MAGI2: variants seen among roughly 807,000 people sequenced by gnomAD.
MAGI2 encodes membrane associated guanylate kinase, WW and PDZ domain containing 2, also known as membrane-associated guanylate kinase, WW and PDZ domain-containing protein 2.
MAGI2 carries 35 observed loss-of-function variants against 133.3 expected under a neutral mutation model. The ratio of observed to expected loss-of-function variants is 0.26; its 90% CI spans 0.20 to 0.35. The LOEUF is 0.35. Ranked by LOEUF, MAGI2 falls within the 10% of genes least tolerant of loss-of-function variation. The pLI is 1.00. For synonymous variants in MAGI2, 729 were observed against 710.6 expected, an observed-to-expected ratio of 1.03 and a Z score of -0.41; for missense variants, 1,636 against 1,863.4, an observed-to-expected ratio of 0.88 and a Z score of 2.25.
At chr7:79,446,293 G>A (rs961124486) in intron 1 of MAGI2, among the ~76,000 whole-genome samples, 7 of 152,008 alleles carry the variant, frequency 4.6e-5, no homozygotes, top group Non-Finnish European at 7.4e-5. Context: ...TTGAGCACGT[G>A]TACCCCGAAA....
chr7:78,245,742 A>G (rs1406100448), intron 10 of MAGI2, among the ~76,000 whole-genome samples: 1 of 151,878 alleles, frequency 6.6e-6, no homozygotes, highest in East Asian at 1.9e-4. Flanking sequence ...AGTCCTCACC[A>G]CTGGGGACTC....
intron 2 of MAGI2, among the ~76,000 whole-genome samples, chr7:78,832,582 T>G (rs1209012223): frequency 6.6e-6 from 1 of 152,344 alleles, no homozygotes; most frequent in African/African-American, 2.4e-5. Context: ...GAATGCCAGT[T>G]ATAAGCTTCG....
intron 2 of MAGI2, among the ~76,000 whole-genome samples, chr7:78,631,818 TATG>T (rs1809034242): frequency 6.6e-6 from 1 of 152,240 alleles, no homozygotes; most frequent in Non-Finnish European, 1.5e-5. Flanking sequence ...CTTTAAAATG[TATG>T]ATATTTTGAA....
intron 1 of MAGI2, among the ~76,000 whole-genome samples, chr7:79,078,535 A>G (rs1017185256): frequency 6.6e-6 from 1 of 152,202 alleles, no homozygotes; most frequent in Non-Finnish European, 1.5e-5. Context: ...TGAAAATCAC[A>G]AAGTCTACTC....
intron 1 of MAGI2, among the ~76,000 whole-genome samples, chr7:79,218,643 ATTT>A (rs1830215496): frequency 1.3e-5 from 2 of 152,206 alleles, no homozygotes; most frequent in South Asian, 4.1e-4. Flanking sequence ...AAGCATCTCT[ATTT>A]TATTATACTG....
intron 6 of MAGI2, among the ~76,000 whole-genome samples, chr7:78,397,090 A>C (rs1294538202): frequency 6.6e-6 from 1 of 152,106 alleles, no homozygotes. Flanking sequence ...GATAGCTGGC[A>C]ACAGAGTTTT....
intron 1 of MAGI2, among the ~76,000 whole-genome samples, chr7:79,429,555 G>A (rs1847634043): frequency 6.6e-6 from 1 of 152,024 alleles, no homozygotes; most frequent in Non-Finnish European, 1.5e-5. Context: ...TCCGCCTGCT[G>A]TAGCCTCACC....
At chr7:78,346,167 C>T (rs1361534312) in intron 7 of MAGI2, 124 bp from the exon 8 acceptor site, 4 of 1,070,550 alleles carry the variant, frequency 3.7e-6, no homozygotes, top group Non-Finnish European at 4.1e-6. Flanking sequence ...AAGTGCCTCA[C>T]CCAGCACGCG....
At chr7:79,368,737 A>G (rs1317285355) in intron 1 of MAGI2, among the ~76,000 whole-genome samples, 1 of 149,290 alleles carries the variant, frequency 6.7e-6, no homozygotes, top group Non-Finnish European at 1.5e-5. Context: ...AGTCCCAGCT[A>G]CTTGGGAGGC....
intron 10 of MAGI2, among the ~76,000 whole-genome samples, chr7:78,250,164 C>G (rs1792238784): frequency 6.6e-6 from 1 of 152,042 alleles, no homozygotes; most frequent in African/African-American, 2.4e-5. Flanking sequence ...ACATATACAA[C>G]TGTAATGTAC....
chr7:78,530,586 C>CTTT (rs1797379251), intron 3 of MAGI2, among the ~76,000 whole-genome samples: 3 of 152,208 alleles, frequency 2.0e-5, no homozygotes, highest in Admixed American at 2.0e-4. Context: ...TGGAAACAGA[C>CTTT]AATACTCATA....
chr7:78,162,640 T>C (rs1035875851), intron 15 of MAGI2, among the ~76,000 whole-genome samples: 2 of 152,006 alleles, frequency 1.3e-5, no homozygotes, highest in East Asian at 1.9e-4. Context: ...ACTAAGTCAA[T>C]GTGAGGATTC....
In MAGI2 at chr7:78,881,662, C is replaced by A. The variant is rs143166823; in HGVS notation, c.418+125428G>T. ...ATCAATAAGATCTCTCAAAACCACA[C>A]AATTATGTGGAAATTAAACAACTTT... is the stretch of plus-strand genomic sequence containing the variant. On this transcript the variant is annotated intron_variant, in intron 2 of 21. Coordinates refer to ENST00000354212, the MANE Select transcript of MAGI2 (RefSeq NM_012301.4). Among the ~76,000 whole-genome samples, 475 of 152,088 alleles carry A rather than the reference C, an allele frequency of 3.1e-3. 4 individuals are homozygous for A. The highest frequency in any genetic ancestry group is 0.011 in the African/African-American group (451 of 41,514).
In MAGI2 at chr7:78,732,884, C is replaced by A. The variant is rs537155869; in HGVS notation, c.419-105645G>T. 2.0e-5 allele frequency among the ~76,000 whole-genome samples: 3 copies of A among 152,170 alleles called. No individual in the cohort carries two copies. The East Asian group carries it at 5.8e-4, about 29-fold the overall frequency. On this transcript the variant is annotated intron_variant, in intron 2 of 21. Coordinates refer to ENST00000354212, the MANE Select transcript of MAGI2 (RefSeq NM_012301.4). Reference sequence around the variant, plus strand: ...GATTTAGAAATCAGACCACCATAAACTGGACTGCTGGAGCAGAGGATTGTT... The same window carrying A: ...GATTTAGAAATCAGACCACCATAAAATGGACTGCTGGAGCAGAGGATTGTT...
intron 9 of MAGI2, among the ~76,000 whole-genome samples, chr7:78,316,604 GTT>G (rs1787433420): frequency 1.3e-5 from 2 of 152,108 alleles, no homozygotes; most frequent in Non-Finnish European, 2.9e-5. Flanking sequence ...AGATAATTTT[GTT>G]TTCTTTCCTT....
At chr7:78,039,692 G>C (rs1004063863) in intron 21 of MAGI2, 3 of 152,140 alleles carry the variant, frequency 2.0e-5, no homozygotes, top group Non-Finnish European at 4.4e-5. Context: ...CTGGCACATT[G>C]GTGCTAAACA....
At chr7:78,653,046 AC>A (rs1310825468) in intron 2 of MAGI2, among the ~76,000 whole-genome samples, 7 of 152,190 alleles carry the variant, frequency 4.6e-5, no homozygotes, top group Non-Finnish European at 8.8e-5. Flanking sequence ...GCTCATCATC[AC>A]TGGTCATCAG....
At chr7:78,892,717 C>CA (rs1181971539) in intron 2 of MAGI2, among the ~76,000 whole-genome samples, 6 of 152,158 alleles carry the variant, frequency 3.9e-5, no homozygotes, top group Non-Finnish European at 8.8e-5. Context: ...ACACCTTACA[C>CA]AAAAATTAAT....
At chr7:78,761,650 G>A (rs999153104) in intron 2 of MAGI2, among the ~76,000 whole-genome samples, 2 of 151,938 alleles carry the variant, frequency 1.3e-5, no homozygotes, top group Non-Finnish European at 2.9e-5. Context: ...TAAAGATGGG[G>A]TTTCACCATG....
Sources: allele counts gnomAD v4.1 joint callset (sites outside exome capture counted in the v4.1 genomes callset), GRCh38; gene constraint gnomAD v4.1.1; transcripts MANE v1.5; gene names NCBI Gene and HGNC (gene_info 2026-07-23, HGNC 2026-07-21).